The following POTEJ variants were observed in gnomAD, a reference collection of about 807,000 sequenced individuals.
The protein encoded by POTEJ is POTE ankyrin domain family member J, also known as POTE ankyrin domain family, member J.
POTEJ carries 11 observed loss-of-function variants against 69.0 expected under a neutral mutation model. The observed-to-expected ratio is 0.16, with a 90% CI of 0.10 to 0.26. POTEJ has a LOEUF of 0.26. POTEJ is among the 10% of genes least tolerant of loss of function. The pLI is 1.00. For missense variants in POTEJ, 327 were observed against 1,045.5 expected, an observed-to-expected ratio of 0.31 and a Z score of 9.48; for synonymous variants, 117 against 381.1, an observed-to-expected ratio of 0.31 and a Z score of 8.07.
chr2:130,625,875 C>T (rs1685687243), intron 6 of POTEJ, among the ~76,000 whole-genome samples: 1 of 134,312 alleles, frequency 7.4e-6, no homozygotes, highest in African/African-American at 3.2e-5. Context: ...GGGTAGAATG[C>T]TTTGGACTGC....
intron 6 of POTEJ, among the ~76,000 whole-genome samples, chr2:130,624,607 G>A (rs1242034615): frequency 1.3e-5 from 2 of 152,060 alleles, no homozygotes; most frequent in Non-Finnish European, 2.9e-5. Flanking sequence ...TGGCTTGCCT[G>A]CTGCTCACCT....
chr2:130,640,903 A>G (rs1400901074), intron 10 of POTEJ, among the ~76,000 whole-genome samples: 8 of 152,126 alleles, frequency 5.3e-5, no homozygotes, highest in Admixed American at 5.2e-4. Flanking sequence ...TGTGTGCTGC[A>G]GGGGCTCATT....
chr2:130,646,036 T>A, intron 12 of POTEJ, 93 bp from the exon 13 acceptor site: 1 of 1,432,286 alleles, frequency 7.0e-7, no homozygotes, highest in Non-Finnish European at 9.3e-7. Flanking sequence ...TTAGGAACTT[T>A]AGACCAATTA....
intron 10 of POTEJ, among the ~76,000 whole-genome samples, chr2:130,639,194 C>T (rs1488213862): frequency 5.9e-5 from 9 of 152,142 alleles, no homozygotes; most frequent in Non-Finnish European, 1.5e-5. Flanking sequence ...TGGCATGGTT[C>T]CTAACAGACC....
At chr2:130,636,452 A>G (rs1196297919) in intron 9 of POTEJ, among the ~76,000 whole-genome samples, 1 of 144,992 alleles carries the variant, frequency 6.9e-6, no homozygotes, top group East Asian at 1.9e-4. Flanking sequence ...AGAGTCTTTG[A>G]TATACAAATA....
chr2:130,638,049 T>G (rs530119425), intron 9 of POTEJ, among the ~76,000 whole-genome samples: 2 of 148,552 alleles, frequency 1.3e-5, no homozygotes, highest in East Asian at 3.9e-4. Context: ...AAATTAGGAC[T>G]TAATAACGTT....
intron 6 of POTEJ, among the ~76,000 whole-genome samples, chr2:130,625,985 G>GTT (rs1685690176): frequency 7.2e-6 from 1 of 139,148 alleles, no homozygotes; most frequent in Non-Finnish European, 1.5e-5. Context: ...CAGCTGTGCT[G>GTT]TTGGCAGTGT....
intron 10 of POTEJ, among the ~76,000 whole-genome samples, chr2:130,640,722 C>T (rs1686327953): frequency 6.6e-6 from 1 of 152,098 alleles, no homozygotes; most frequent in Non-Finnish European, 1.5e-5. Flanking sequence ...TGGGTCATAC[C>T]ACATGCTCAT....
At chr2:130,625,575 A>G (rs1685677388) in intron 6 of POTEJ, among the ~76,000 whole-genome samples, 1 of 151,022 alleles carries the variant, frequency 6.6e-6, no homozygotes, top group Admixed American at 6.6e-5. Context: ...CTAGGTAAAG[A>G]AGCAGAAGAA....
At chr2:130,634,710 A>T (rs1461481483) in intron 9 of POTEJ, among the ~76,000 whole-genome samples, 1 of 135,626 alleles carries the variant, frequency 7.4e-6, no homozygotes, top group Non-Finnish European at 1.5e-5. Flanking sequence ...TGTTATATAA[A>T]ACTTGAAACT....
intron 10 of POTEJ, among the ~76,000 whole-genome samples, chr2:130,643,536 A>G (rs569871474): frequency 1.4e-5 from 2 of 144,824 alleles, no homozygotes; most frequent in East Asian, 3.9e-4. Flanking sequence ...AAAAAAGAAA[A>G]AAAGAAAATA....
chr2:130,657,453 C>A lies in POTEJ; in HGVS notation c.2693C>A (p.Ser898Tyr). ...QEMAMVASSS[S>Y]LEKSYELPDG... is the part of the protein sequence containing the mutation. ...ATGGCCATGGTGGCCTCCAGCTCCT[C>A]CCTAGAGAAGAGCTACGAGCTGCCC... Residue 898 changes from serine (S) to tyrosine (Y), a missense_variant, in exon 15 of 15, where the codon TCC becomes TAC. Physicochemically the swap from Ser to Tyr is moderately radical, Grantham distance 144 (BLOSUM62 -2). Coordinates refer to ENST00000409602, the MANE Select transcript of POTEJ (RefSeq NM_001277083.2). 2 of 1,593,600 alleles carry A rather than the reference C, an allele frequency of 1.3e-6. No homozygotes were observed. Among genetic ancestry groups the A allele is most frequent in the Non-Finnish European group, 1.7e-6 (2 of 1,166,774 alleles).
intron 10 of POTEJ, among the ~76,000 whole-genome samples, chr2:130,642,496 G>A (rs1410417938): frequency 7.1e-6 from 1 of 140,656 alleles, no homozygotes; most frequent in Non-Finnish European, 1.5e-5. Flanking sequence ...GAATTGTTTA[G>A]TATTTGCTAC....
At chr2:130,647,956 T>C (rs1366166294) in intron 13 of POTEJ, among the ~76,000 whole-genome samples, 2,228 of 145,198 alleles carry the variant, frequency 0.015, 4 homozygotes, top group African/African-American at 0.054. Flanking sequence ...AGTGACTTCA[T>C]ATGATTTTGA....
At chr2:130,624,890 A>G (rs1165618546) in intron 6 of POTEJ, among the ~76,000 whole-genome samples, 1 of 152,120 alleles carries the variant, frequency 6.6e-6, no homozygotes, top group Non-Finnish European at 1.5e-5. Flanking sequence ...CTGCTGGTTA[A>G]TTGTCATCAT....
chr2:130,613,396 A>G (rs1371579087), intron 1 of POTEJ, among the ~76,000 whole-genome samples: 21 of 142,724 alleles, frequency 1.5e-4, no homozygotes, highest in African/African-American at 5.1e-4. Context: ...ATATATATAT[A>G]TATATATATA....
chr2:130,611,304 G>C (rs1225265757), upstream of POTEJ, among the ~76,000 whole-genome samples: 4 of 142,776 alleles, frequency 2.8e-5, no homozygotes, highest in African/African-American at 2.8e-5. Flanking sequence ...TTTCTTGGGG[G>C]GGGGGGGGTT....
chr2:130,637,655 G>A (rs1204731701), intron 9 of POTEJ, among the ~76,000 whole-genome samples: 1 of 152,284 alleles, frequency 6.6e-6, no homozygotes, highest in African/African-American at 2.4e-5. Flanking sequence ...ATAACGTGTG[G>A]GGTGTTGTGT....
intron 1 of POTEJ, among the ~76,000 whole-genome samples, chr2:130,612,662 C>A (rs1164772720): frequency 0.011 from 1,370 of 127,984 alleles, 1 homozygote; most frequent in African/African-American, 0.039. Flanking sequence ...ACTCAGGAGG[C>A]TGAGGCAGGA....
Sources: allele counts gnomAD v4.1 joint callset (sites outside exome capture counted in the v4.1 genomes callset), GRCh38; gene constraint gnomAD v4.1.1; transcripts MANE v1.5; gene names NCBI Gene and HGNC (gene_info 2026-07-23, HGNC 2026-07-21).